Variants in FBXL7 observed in about 807,000 individuals in gnomAD.
FBXL7 encodes the protein F-box/LRR-repeat protein 7.
A neutral mutation model predicts 38.3 loss-of-function variants in FBXL7; 12 were observed. That is an observed-to-expected ratio of 0.31 (90% CI 0.20 to 0.51). FBXL7 has a LOEUF of 0.51. Among genes scored for constraint, FBXL7 ranks in the 20% least tolerant of loss-of-function variants. The pLI is 0.98. For missense variants in FBXL7, 567 were observed against 676.4 expected, an observed-to-expected ratio of 0.84 and a Z score of 1.79; for synonymous variants, 297 against 300.9, an observed-to-expected ratio of 0.99 and a Z score of 0.13.
chr5:15,657,821 A>G (rs952618800), intron 2 of FBXL7, among the ~76,000 whole-genome samples: 23 of 151,008 alleles, frequency 1.5e-4, no homozygotes, highest in East Asian at 4.0e-4. Flanking sequence ...TTGGGCGACA[A>G]GAGTGAAACT....
In FBXL7 at chr5:15,602,976, G is replaced by A. The variant is rs114491767; in HGVS notation, c.38-13007G>A. On this transcript the variant is annotated intron_variant, in intron 1 of 3. Coordinates refer to ENST00000504595, the MANE Select transcript of FBXL7 (RefSeq NM_012304.5). ...AACCTCCCAACTAGCTAGGACTACA[G>A]GTGCACACCGTCACAACTGGCTAAT... Among the ~76,000 whole-genome samples the A allele has an allele frequency of 6.6e-3, 997 of 152,182 alleles. 7 individuals are homozygous for A. The highest frequency in any genetic ancestry group is 0.023 in the African/African-American group (943 of 41,514).
In FBXL7 at chr5:15,692,486, C is replaced by G. The variant is rs181490308; in HGVS notation, c.127+76414C>G. ...CTATTCATTTAATATCTTTGCTTGC[C>G]TCTCAGTTTTTCTCTTAGATGAATG... On this transcript the variant is annotated intron_variant, in intron 2 of 3. Coordinates refer to ENST00000504595, the MANE Select transcript of FBXL7 (RefSeq NM_012304.5). Among the ~76,000 whole-genome samples, 10 of 152,228 alleles carry G rather than the reference C, an allele frequency of 6.6e-5. No homozygotes were observed. The East Asian group carries it at 1.7e-3, about 27-fold the overall frequency.
At chr5:15,761,468 A>G (rs1736437655) in intron 2 of FBXL7, among the ~76,000 whole-genome samples, 1 of 152,200 alleles carries the variant, frequency 6.6e-6, no homozygotes, top group Admixed American at 6.5e-5. Context: ...GAATCTCTTC[A>G]CTTCCAGAAC....
intron 2 of FBXL7, among the ~76,000 whole-genome samples, chr5:15,726,245 T>C (rs1312175811): frequency 6.6e-6 from 1 of 152,182 alleles, no homozygotes; most frequent in Non-Finnish European, 1.5e-5. Flanking sequence ...AATCTGTTTA[T>C]ATTTTTGGAT....
At chr5:15,724,550 T>C (rs1030970033) in intron 2 of FBXL7, among the ~76,000 whole-genome samples, 2 of 152,162 alleles carry the variant, frequency 1.3e-5, no homozygotes, top group Non-Finnish European at 2.9e-5. Context: ...TTTTTCACAA[T>C]AGATTAGTTT....
chr5:15,822,906 G>C (rs1738209984), intron 2 of FBXL7, among the ~76,000 whole-genome samples: 1 of 152,038 alleles, frequency 6.6e-6, no homozygotes, highest in Non-Finnish European at 1.5e-5. Context: ...TGATTTGGGA[G>C]GGCCACAGTG....
chr5:15,763,586 A>C (rs1327618774), intron 2 of FBXL7, among the ~76,000 whole-genome samples: 1 of 152,044 alleles, frequency 6.6e-6, no homozygotes. Flanking sequence ...TAGCAATCTC[A>C]TAATATTACA....
intron 1 of FBXL7, among the ~76,000 whole-genome samples, chr5:15,516,952 A>C (rs1415170541): frequency 6.6e-6 from 1 of 152,182 alleles, no homozygotes; most frequent in African/African-American, 2.4e-5. Flanking sequence ...AGTCTTGGGT[A>C]TGTCTTTATT....
intron 2 of FBXL7, among the ~76,000 whole-genome samples, chr5:15,745,079 A>T (rs915656836): frequency 4.6e-5 from 7 of 152,206 alleles, no homozygotes; most frequent in Non-Finnish European, 1.0e-4. Context: ...TGCTGAAAAA[A>T]ACCTCAAATG....
rs570496616 is a variant in FBXL7, at chr5:15,588,243, A to G, written c.38-27740A>G. ...CTGAATGGTCATGTTTTTAACATGA[A>G]TGCTGTTATTCCCAAAATAAGCTAT... On this transcript the variant is annotated intron_variant, in intron 1 of 3. Transcript: ENST00000504595. Among the ~76,000 whole-genome samples the G allele has an allele frequency of 7.2e-5, 11 of 152,340 alleles. No individual in the cohort carries two copies. The East Asian group carries it at 1.9e-3, about 27-fold the overall frequency.
At chr5:15,888,310 C>T (rs1740764789) in intron 2 of FBXL7, among the ~76,000 whole-genome samples, 3 of 152,016 alleles carry the variant, frequency 2.0e-5, no homozygotes, top group Non-Finnish European at 4.4e-5. Flanking sequence ...TCACTGCAAC[C>T]TCTGCCTCCT....
intron 2 of FBXL7, among the ~76,000 whole-genome samples, chr5:15,718,934 T>G (rs1013079221): frequency 6.6e-6 from 1 of 152,204 alleles, no homozygotes; most frequent in Admixed American, 6.5e-5. Context: ...CCAAGTATGT[T>G]GGCTACACTT....
chr5:15,863,410 C>T (rs906088338), intron 2 of FBXL7, among the ~76,000 whole-genome samples: 1 of 152,076 alleles, frequency 6.6e-6, no homozygotes, highest in Non-Finnish European at 1.5e-5. Context: ...GTTATATTCA[C>T]ATAAATCAAG....
chr5:15,764,320 C>T (rs1736528935), intron 2 of FBXL7, among the ~76,000 whole-genome samples: 1 of 152,184 alleles, frequency 6.6e-6, no homozygotes, highest in Admixed American at 6.5e-5. Context: ...TATTTGAATA[C>T]ATATCAATTA....
chr5:15,743,935 C>A (rs895809323), intron 2 of FBXL7, among the ~76,000 whole-genome samples: 1 of 152,212 alleles, frequency 6.6e-6, no homozygotes, highest in African/African-American at 2.4e-5. Context: ...ACATTGGCTT[C>A]TTTTAGCCAC....
intron 2 of FBXL7, among the ~76,000 whole-genome samples, chr5:15,672,925 G>A (rs569502121): frequency 1.3e-5 from 2 of 152,202 alleles, no homozygotes; most frequent in East Asian, 3.9e-4. Flanking sequence ...TTTGCAAAAT[G>A]TATTTGGGTG....
intron 2 of FBXL7, among the ~76,000 whole-genome samples, chr5:15,820,600 T>C (rs1738144004): frequency 3.9e-5 from 6 of 152,146 alleles, no homozygotes; most frequent in Admixed American, 3.9e-4. Context: ...TCCTGTTTCC[T>C]TTCAAGTGAA....
chr5:15,777,720 T>TAAA lies in FBXL7; in HGVS notation c.128-150146_128-150144dup, dbSNP rs371293320. Reference sequence around the variant, plus strand: ...TATTGTTTGCAAACCCCTATTCTGGTAAAAAAAAAAAAAAAAAAAAAAAAA... The same window carrying TAAA: ...TATTGTTTGCAAACCCCTATTCTGGTAAAAAAAAAAAAAAAAAAAAAAAAAAAA... On this transcript the variant is annotated intron_variant, in intron 2 of 3. Transcript: ENST00000504595. Among the ~76,000 whole-genome samples the TAAA allele has an allele frequency of 4.2e-3, 346 of 82,488 alleles. 23 individuals carry two copies. Among genetic ancestry groups the TAAA allele is most frequent in the East Asian group, 0.015 (42 of 2,722 alleles). The allele number at this position is 82,488 out of a possible 152,430, so 54.1% of individuals were successfully genotyped here.
chr5:15,724,028 T>A (rs1224744535), intron 2 of FBXL7, among the ~76,000 whole-genome samples: 1 of 152,190 alleles, frequency 6.6e-6, no homozygotes, highest in Non-Finnish European at 1.5e-5. Context: ...TTGAGGAATA[T>A]CTTGGTACTT....
Sources: gnomAD v4.1 joint callset for allele counts (sites outside exome capture counted in the v4.1 genomes callset) on GRCh38, gnomAD v4.1.1 for gene constraint, MANE v1.5 for transcripts, NCBI Gene and HGNC (gene_info 2026-07-23, HGNC 2026-07-21) for gene names.